Variants in PLEKHH2 observed in about 807,000 individuals in gnomAD.
PLEKHH2 encodes pleckstrin homology domain-containing family H member 2.
Under a neutral mutation model 187.9 loss-of-function variants are expected in PLEKHH2, and 129 were observed. The observed-to-expected ratio is 0.69, with a 90% CI of 0.59 to 0.79. PLEKHH2 has a LOEUF of 0.79. Ranked by LOEUF, PLEKHH2 falls within the 30% of genes least tolerant of loss-of-function variation. The pLI is 0.00. For missense variants in PLEKHH2, 2,076 were observed against 1,751.2 expected, an observed-to-expected ratio of 1.19 and a Z score of -3.31; for synonymous variants, 686 against 605.6, an observed-to-expected ratio of 1.13 and a Z score of -1.95.
At chr2:43,675,410 C>T (rs754668514) in intron 2 of PLEKHH2, 35 of 1,603,660 alleles carry the variant, frequency 2.2e-5, no homozygotes, top group African/African-American at 1.3e-5. Flanking sequence ...GGCAAGAAAA[C>T]GAGTGTGTCA....
chr2:43,642,621 G>A (rs1362438407), intron 1 of PLEKHH2, among the ~76,000 whole-genome samples: 1 of 152,138 alleles, frequency 6.6e-6, no homozygotes, highest in African/African-American at 2.4e-5. Context: ...CTATCAGGAT[G>A]AGGAAGTTCC....
At chr2:43,676,966 A>AT (rs1432292519) in intron 2 of PLEKHH2, among the ~76,000 whole-genome samples, 1 of 152,080 alleles carries the variant, frequency 6.6e-6, no homozygotes, top group East Asian at 1.9e-4. Context: ...TTCCTCTTAG[A>AT]TTTATTTTCT....
At chr2:43,681,547 G>A in intron 3 of PLEKHH2, 1 of 1,396,784 alleles carries the variant, frequency 7.2e-7, no homozygotes, top group Non-Finnish European at 9.9e-7. Flanking sequence ...TATGCAGAAA[G>A]ACTCACTTCT....
chr2:43,681,436 T>C (rs974307795), intron 3 of PLEKHH2: 6 of 1,547,750 alleles, frequency 3.9e-6, no homozygotes, highest in Non-Finnish European at 5.2e-6. Flanking sequence ...ATGAGTTCCT[T>C]GTCAAAATAA....
At chr2:43,731,403 T>G (rs1572633792) in intron 18 of PLEKHH2, 87 bp from the exon 19 acceptor site, 25 of 860,022 alleles carry the variant, frequency 2.9e-5, no homozygotes, top group Admixed American at 7.7e-5. Flanking sequence ...CAAGCCTGAA[T>G]GAGCTAATGT....
rs1423071296 is a variant in PLEKHH2, at chr2:43,694,636, TC to T, written c.420+123del. The stretch of plus-strand genomic sequence containing the variant: ...TTTTGATCGGTTGGTGATACTGCTA[TC>T]TTTTGATAAATGAGATATAGGTAGC... On this transcript the variant is annotated intron_variant, in intron 5 of 29. Transcript: ENST00000282406. 10 of 1,049,394 alleles carry T rather than the reference TC, an allele frequency of 9.5e-6. No homozygotes were observed. In the Admixed American group the frequency reaches 3.9e-4, roughly 41 times the overall value. 65.0% of individuals were successfully genotyped at this position (1,049,394 alleles called of 1,614,324 possible). A position where few individuals can be genotyped will look rare whatever the true frequency, so the allele number is the denominator to read the frequency against.
chr2:43,707,457 A>C lies in PLEKHH2; in HGVS notation c.1878A>C (p.Glu626Asp). 1 of 1,614,156 alleles carries C rather than the reference A, an allele frequency of 6.2e-7. No individual in the cohort carries two copies. The highest frequency in any genetic ancestry group is 8.5e-7 in the Non-Finnish European group (1 of 1,180,034). ...PFLDDSSGSE[E>D]EDSSRSSSRT... ...TGGATGACTCATCTGGGTCAGAGGA[A>C]GAAGACAGCTCCAGATCCAGCTCCC... The change falls in exon 11 of 30, where the codon GAA (glutamate) becomes GAC (aspartate). Residue 626 changes from glutamate to aspartate, a missense_variant. Physicochemically the swap from Glu to Asp is conservative, Grantham distance 45 (BLOSUM62 2). Transcript: ENST00000282406.
At chr2:43,692,795 G>C (rs17031284) in intron 4 of PLEKHH2, 132 bp downstream of exon 4, 140,476 of 982,280 alleles carry the variant, frequency 0.14, 10,748 homozygotes, top group Middle Eastern at 0.21. Flanking sequence ...CCATAGGATT[G>C]CATCACATTT....
At chr2:43,644,648 G>T in intron 1 of PLEKHH2, 23 bp from the exon 2 acceptor site, 1 of 1,478,654 alleles carries the variant, frequency 6.8e-7, no homozygotes, top group Admixed American at 2.4e-5. Context: ...TTAATTTTTT[G>T]TTTATTTATT....
intron 3 of PLEKHH2, among the ~76,000 whole-genome samples, chr2:43,682,035 C>A (rs151082333): frequency 5.2e-4 from 79 of 152,248 alleles, no homozygotes; most frequent in East Asian, 2.7e-3. Flanking sequence ...AGTCATGCCT[C>A]ATCTGTACCT....
At chr2:43,738,294 A>C in intron 19 of PLEKHH2, 47 bp from the exon 20 acceptor site, 1 of 1,462,708 alleles carries the variant, frequency 6.8e-7, no homozygotes, top group African/African-American at 1.4e-5. Context: ...TGCAGAATAA[A>C]TCTAATCACT....
chr2:43,677,264 C>T (rs1024227233), intron 2 of PLEKHH2, among the ~76,000 whole-genome samples: 18 of 151,154 alleles, frequency 1.2e-4, no homozygotes, highest in African/African-American at 4.1e-4. Context: ...TTGGCAGGGT[C>T]ATAGGACAAT....
intron 2 of PLEKHH2, chr2:43,675,861 G>T: frequency 6.2e-7 from 1 of 1,614,032 alleles, no homozygotes; most frequent in East Asian, 2.2e-5. Context: ...TAAACAAAAG[G>T]TACTTTAAAT....
At chr2:43,716,464 G>C (rs1670214892) in intron 15 of PLEKHH2, among the ~76,000 whole-genome samples, 2 of 152,172 alleles carry the variant, frequency 1.3e-5, no homozygotes, top group Non-Finnish European at 1.5e-5. Flanking sequence ...AGGAAAGTAG[G>C]ATGTACCCAA....
At chr2:43,754,188 A>C (rs1308962240) in intron 25 of PLEKHH2, among the ~76,000 whole-genome samples, 1 of 126,132 alleles carries the variant, frequency 7.9e-6, no homozygotes, top group East Asian at 2.0e-4. Context: ...ACACACACAC[A>C]CACACACACA....
chr2:43,762,504 C>A, intron 28 of PLEKHH2, 114 bp downstream of exon 28: 1 of 734,574 alleles, frequency 1.4e-6, no homozygotes, highest in African/African-American at 1.8e-5. Context: ...AGGAAACATT[C>A]TTCCTAATAC....
Position 43,729,717 on chromosome 2 carries a change from C to A in PLEKHH2, c.2802C>A (p.Cys934Ter), listed in dbSNP as rs1325472530. 1.2e-6 allele frequency: 2 copies of A among 1,606,038 alleles called. No individual in the cohort carries two copies. Among genetic ancestry groups the A allele is most frequent in the Non-Finnish European group, 1.7e-6 (2 of 1,176,894 alleles). Residue 934 changes from cysteine to a stop codon, truncating the protein, a stop_gained, in exon 18 of 30, where the codon TGC becomes TGA. Transcript: ENST00000282406. LOFTEE classifies it high-confidence loss of function. ...GATCTGAATTTGAACAACTGGTTTG[C>A]AAATTGCTAAATATAGACGGGGAGC... ...NVGSEFEQLV[C>*]KLLNIDGEPS...
At chr2:43,680,989 T>C in intron 3 of PLEKHH2, 1 of 1,210,272 alleles carries the variant, frequency 8.3e-7, no homozygotes, top group Admixed American at 2.5e-5. Context: ...TTACTGTTGT[T>C]CATATGCCAA....
chr2:43,658,581 A>G (rs1666906986), intron 2 of PLEKHH2: 1 of 152,228 alleles, frequency 6.6e-6, no homozygotes, highest in Non-Finnish European at 1.5e-5. Context: ...TTCACTTTCA[A>G]TGGTTCACCA....
Sources: gnomAD v4.1 joint callset for allele counts (sites outside exome capture counted in the v4.1 genomes callset) on GRCh38, gnomAD v4.1.1 for gene constraint, MANE v1.5 for transcripts, NCBI Gene and HGNC (gene_info 2026-07-23, HGNC 2026-07-21) for gene names.